The following SNX19 variants were observed in gnomAD, a reference collection of about 807,000 sequenced individuals.
SNX19 encodes the protein sorting nexin-19.
SNX19 carries 60 observed loss-of-function variants against 85.2 expected under a neutral mutation model. The observed-to-expected ratio is 0.70, with a 90% CI of 0.57 to 0.87. SNX19 has a LOEUF of 0.87. Ranked by LOEUF, SNX19 falls within the 40% of genes least tolerant of loss-of-function variation. SNX19 has a pLI of 0.00. For synonymous variants in SNX19, 520 were observed against 470.0 expected (o/e 1.11, Z -1.38); for missense variants, 1,201 against 1,217.8 (o/e 0.99, Z 0.21).
At chr11:130,898,293 T>G (rs1460178629) in intron 8 of SNX19, among the ~76,000 whole-genome samples, 1 of 152,134 alleles carries the variant, frequency 6.6e-6, no homozygotes, top group Non-Finnish European at 1.5e-5. Flanking sequence ...TAAACTTGCC[T>G]GCTTGGGGAT....
chr11:130,912,639 G>A, intron 1 of SNX19, among the ~76,000 whole-genome samples: 1 of 152,166 alleles, frequency 6.6e-6, no homozygotes, highest in Non-Finnish European at 1.5e-5. Flanking sequence ...TCGTTGGTGG[G>A]AGTTGTGGCT....
intron 8 of SNX19, among the ~76,000 whole-genome samples, chr11:130,902,918 T>C (rs756660223): frequency 6.6e-6 from 1 of 152,206 alleles, no homozygotes; most frequent in Non-Finnish European, 1.5e-5. Context: ...GAGACAAATG[T>C]CCACCATAAC....
At chr11:130,910,448 A>G (rs1258621998) in intron 2 of SNX19, 78 bp from the exon 3 acceptor site, 4 of 1,038,536 alleles carry the variant, frequency 3.9e-6, no homozygotes, top group Non-Finnish European at 5.6e-6. Context: ...ACATATAAAG[A>G]AAACAGAACT....
In SNX19 at chr11:130,875,202, T is replaced by C. The variant is rs1008412223; in HGVS notation, c.*3220A>G. 2.6e-5 allele frequency among the ~76,000 whole-genome samples: 4 copies of C among 152,224 alleles called. No homozygotes were observed. The highest frequency in any genetic ancestry group is 5.9e-5 in the Non-Finnish European group (4 of 68,046). On this transcript the variant is annotated 3_prime_UTR_variant, in exon 11 of 11. Coordinates refer to ENST00000265909, the MANE Select transcript of SNX19 (RefSeq NM_014758.3). ...TTAAAAAGAAAATTCTGTCACATGC[T>C]GTAACGTGGATGAACCTGGAGGACA...
At chr11:130,889,345 T>C (rs575792592) in intron 8 of SNX19, among the ~76,000 whole-genome samples, 5 of 152,294 alleles carry the variant, frequency 3.3e-5, no homozygotes, top group Admixed American at 2.6e-4. Flanking sequence ...AATTTGTTCA[T>C]TCATTTACTC....
In SNX19 at chr11:130,914,497, T is replaced by G. The variant is rs200183131; in HGVS notation, c.1443A>C (p.Ser481=). The G allele has an allele frequency of 6.2e-7, 1 of 1,613,936 alleles. No homozygotes were observed. Among genetic ancestry groups the G allele is most frequent in the South Asian group, 1.1e-5 (1 of 91,064 alleles). The change falls in exon 1 of 11, where the codon TCA becomes TCC. Residue 481 remains serine, a synonymous_variant. Transcript: ENST00000265909. ...GPEKTCPSRP[S]CLEKDLTNDV... is the part of the protein sequence containing the mutation. ...CATTGGTGAGATCCTTCTCTAAGCA[T>G]GACGGCCGTGAGGGGCAGGTCTTTT...
chr11:130,888,071 A>G (rs1320012118), intron 8 of SNX19, among the ~76,000 whole-genome samples: 3 of 150,924 alleles, frequency 2.0e-5, no homozygotes, highest in Non-Finnish European at 2.9e-5. Flanking sequence ...TCAGCCAGCT[A>G]AAATCCTAAG....
chr11:130,911,807 G>A (rs138467798), intron 1 of SNX19, 36 bp from the exon 2 acceptor site: 795 of 1,602,398 alleles, frequency 5.0e-4, no homozygotes, highest in Admixed American at 9.5e-4. Context: ...TCAATCAGCC[G>A]GGTTTCAGCA....
chr11:130,902,449 C>T (rs1012519750), intron 8 of SNX19, among the ~76,000 whole-genome samples: 1 of 152,022 alleles, frequency 6.6e-6, no homozygotes, highest in Non-Finnish European at 1.5e-5. Context: ...TTTTGAGTGA[C>T]CTGTTAGCAT....
intron 8 of SNX19, among the ~76,000 whole-genome samples, chr11:130,892,393 C>T (rs1032905922): frequency 2.0e-5 from 3 of 151,968 alleles, no homozygotes; most frequent in Non-Finnish European, 4.4e-5. Flanking sequence ...TCTTGCCTTG[C>T]CTTTTTCACA....
In SNX19 at chr11:130,914,930, T is replaced by C; in HGVS notation, c.1010A>G (p.Glu337Gly). The C allele has an allele frequency of 1.9e-6, 3 of 1,614,218 alleles. No homozygotes were observed. The highest frequency in any genetic ancestry group is 2.5e-6 in the Non-Finnish European group (3 of 1,180,046). Residue 337 changes from glutamate to glycine, a missense_variant, in exon 1 of 11, where the codon GAG becomes GGG. Transcript: ENST00000265909. Reference sequence around the variant, plus strand: ...TTCACACATCCCACCCAAATCTCCCTCTACAGCTTCGTGGCCTTCTTCAAC... The same window carrying C: ...TTCACACATCCCACCCAAATCTCCCCCTACAGCTTCGTGGCCTTCTTCAAC... The part of the protein sequence containing the change: ...PEVEEGHEAV[E>G]GDLGGMCEER...
intron 8 of SNX19, among the ~76,000 whole-genome samples, chr11:130,887,333 G>C (rs1944162581): frequency 6.6e-6 from 1 of 152,164 alleles, no homozygotes; most frequent in African/African-American, 2.4e-5. Context: ...CTCTACATAT[G>C]AAAGCATTGG....
intron 8 of SNX19, among the ~76,000 whole-genome samples, chr11:130,899,421 G>T (rs576565473): frequency 6.6e-6 from 1 of 152,234 alleles, no homozygotes; most frequent in East Asian, 1.9e-4. Flanking sequence ...GAGGCTTCAG[G>T]AAAACTGTGA....
intron 4 of SNX19, 39 bp downstream of exon 4, chr11:130,909,979 G>C (rs1945965296): frequency 6.2e-7 from 1 of 1,609,570 alleles, no homozygotes; most frequent in Non-Finnish European, 8.5e-7. Flanking sequence ...CCCATTTATA[G>C]ATCAAAACTA....
chr11:130,897,241 C>T (rs543032582), intron 8 of SNX19, among the ~76,000 whole-genome samples: 6 of 152,190 alleles, frequency 3.9e-5, no homozygotes, highest in African/African-American at 1.4e-4. Flanking sequence ...TTTTCTTCTT[C>T]CTCTCTGGAT....
At position 130,874,547 on chromosome 11, in the gene SNX19, A is replaced by C. The variant is rs1943148143; in HGVS notation, c.*3875T>G. Among the ~76,000 whole-genome samples the C allele has an allele frequency of 6.6e-6, 1 of 152,244 alleles. No individual in the cohort carries two copies. Among genetic ancestry groups the C allele is most frequent in the South Asian group, 2.1e-4 (1 of 4,834 alleles). ...CCCTTAAGAGGTCTCAGAGTTGCTG[A>C]ATCACCAAACTCCTGGGCTTACCTA... On this transcript the variant is annotated 3_prime_UTR_variant, in exon 11 of 11. Coordinates refer to ENST00000265909, the MANE Select transcript of SNX19 (RefSeq NM_014758.3).
chr11:130,895,280 C>T (rs1434502535), intron 8 of SNX19: 3 of 981,278 alleles, frequency 3.1e-6, no homozygotes, highest in Non-Finnish European at 3.6e-6. Context: ...CTGGGTATGC[C>T]CTGTGTGGAG....
In SNX19 at chr11:130,907,839, T is replaced by C. The variant is rs1945790181; in HGVS notation, c.2165+114A>G. On this transcript the variant is annotated intron_variant, in intron 5 of 10. Transcript: ENST00000265909. ...GTCTAGCTTTGCCTAAAAACTGGTA[T>C]GTCTGACCCACCTCCTTTCCTCTAG... 2.0e-6 allele frequency: 3 copies of C among 1,486,394 alleles called. No homozygotes were observed. The Admixed American group carries it at 6.3e-5, about 31-fold the overall frequency. The allele number at this position is 1,486,394 out of a possible 1,614,324, so 92.1% of individuals were successfully genotyped here.
At position 130,870,691 on chromosome 11, in the gene SNX19, C is replaced by T. The variant is rs1460935799; in HGVS notation, c.*7731G>A. Reference sequence around the variant, plus strand: ...ATGTGGAAGGTTGGGAGAAAGGAATCAACAAAATGAAAGTAACAGTATCAA... The same window carrying T: ...ATGTGGAAGGTTGGGAGAAAGGAATTAACAAAATGAAAGTAACAGTATCAA... On this transcript the variant is annotated 3_prime_UTR_variant, in exon 11 of 11. Transcript: ENST00000265909. Among the ~76,000 whole-genome samples the T allele has an allele frequency of 6.6e-6, 1 of 152,136 alleles. No homozygotes were observed. The highest frequency in any genetic ancestry group is 1.5e-5 in the Non-Finnish European group (1 of 68,040).
Sources: allele counts gnomAD v4.1 joint callset (sites outside exome capture counted in the v4.1 genomes callset), GRCh38; gene constraint gnomAD v4.1.1; transcripts MANE v1.5; gene names NCBI Gene and HGNC (gene_info 2026-07-23, HGNC 2026-07-21).